The following FAM219A variants were observed in gnomAD, a reference collection of about 807,000 sequenced individuals.
FAM219A encodes family with sequence similarity 219 member A.
In FAM219A, 7 loss-of-function variants were observed where a neutral mutation model predicts 23.4. That is an observed-to-expected ratio of 0.30 (90% CI 0.17 to 0.56). The LOEUF is 0.56. Ranked by LOEUF, FAM219A falls within the 20% of genes least tolerant of loss-of-function variation. The pLI is 0.92. For missense variants in FAM219A, 166 were observed against 246.9 expected (o/e 0.67, Z 2.20); for synonymous variants, 93 against 99.0 (o/e 0.94, Z 0.36).
At chr9:34,455,188 G>C (rs992732000) in intron 1 of FAM219A, among the ~76,000 whole-genome samples, 1 of 152,172 alleles carries the variant, frequency 6.6e-6, no homozygotes, top group Non-Finnish European at 1.5e-5. Flanking sequence ...ACCAATTGCT[G>C]AATCAATGAT....
At chr9:34,416,010 C>A (rs1332870798) in intron 1 of FAM219A, among the ~76,000 whole-genome samples, 1 of 151,728 alleles carries the variant, frequency 6.6e-6, no homozygotes, top group Non-Finnish European at 1.5e-5. Flanking sequence ...GAAGGTGACT[C>A]TCCAAAAAGA....
chr9:34,411,152 T>C (rs1443377799), intron 1 of FAM219A, among the ~76,000 whole-genome samples: 1 of 152,124 alleles, frequency 6.6e-6, no homozygotes, highest in Non-Finnish European at 1.5e-5. Flanking sequence ...CTTAGGGTGA[T>C]GAAAGACCTG....
rs1353421334 is a variant in FAM219A at position 34,399,625 on chromosome 9, G to GA, written c.*1338dup. On this transcript the variant is annotated 3_prime_UTR_variant, in exon 6 of 6. Transcript: ENST00000651358. ...CTTTAGGTATACTGAGACACACAGA[G>GA]ATTGCCCCCTCCCCACCACAGAAAT... The GA allele has an allele frequency of 6.6e-6, 1 of 152,106 alleles. No homozygotes were observed. The highest frequency in any genetic ancestry group is 1.5e-5 in the Non-Finnish European group (1 of 68,020). The allele number at this position is 152,106 out of a possible 1,614,324, so 9.4% of individuals were successfully genotyped here.
chr9:34,455,776 G>A (rs960291353), intron 1 of FAM219A, among the ~76,000 whole-genome samples: 3 of 152,128 alleles, frequency 2.0e-5, no homozygotes, highest in Non-Finnish European at 4.4e-5. Flanking sequence ...GTATTTAAAG[G>A]GTTTTGAGGT....
At chr9:34,414,909 A>C (rs1275993085) in intron 1 of FAM219A, among the ~76,000 whole-genome samples, 1 of 152,170 alleles carries the variant, frequency 6.6e-6, no homozygotes, top group East Asian at 1.9e-4. Flanking sequence ...AGAAGAGGAA[A>C]GCATCTTTTC....
chr9:34,436,078 T>C (rs1440157237), intron 1 of FAM219A, among the ~76,000 whole-genome samples: 3 of 152,162 alleles, frequency 2.0e-5, no homozygotes, highest in South Asian at 2.1e-4. Context: ...GTGCTGGGAT[T>C]ACAGGCATGA....
intron 5 of FAM219A, 115 bp from the exon 6 acceptor site, chr9:34,401,237 C>T: frequency 1.6e-6 from 2 of 1,278,714 alleles, no homozygotes; most frequent in Non-Finnish European, 2.2e-6. Context: ...GGATATCAGC[C>T]CCGCCCTGTC....
intron 1 of FAM219A, among the ~76,000 whole-genome samples, chr9:34,419,591 C>T (rs1161153009): frequency 1.3e-5 from 2 of 152,086 alleles, no homozygotes; most frequent in East Asian, 3.9e-4. Flanking sequence ...CCTTGAGAGC[C>T]CCACACCTGG....
At chr9:34,439,345 A>G (rs952652636) in intron 1 of FAM219A, among the ~76,000 whole-genome samples, 10 of 152,228 alleles carry the variant, frequency 6.6e-5, no homozygotes, top group African/African-American at 2.2e-4. Context: ...AAATGAGACT[A>G]GAAGACAATT....
At chr9:34,404,579 G>A (rs376558085) in intron 2 of FAM219A, among the ~76,000 whole-genome samples, 7 of 152,180 alleles carry the variant, frequency 4.6e-5, no homozygotes, top group African/African-American at 1.2e-4. Flanking sequence ...GTGGTGATGC[G>A]CGCCTATAAT....
intron 1 of FAM219A, among the ~76,000 whole-genome samples, chr9:34,444,840 A>C (rs1031455894): frequency 1.3e-5 from 2 of 152,008 alleles, no homozygotes; most frequent in Non-Finnish European, 2.9e-5. Flanking sequence ...TTCCTACTGC[A>C]TTTCTTGCCT....
intron 1 of FAM219A, among the ~76,000 whole-genome samples, chr9:34,423,677 G>T (rs557407196): frequency 6.6e-6 from 1 of 152,306 alleles, no homozygotes; most frequent in South Asian, 2.1e-4. Flanking sequence ...CAAGGAATAG[G>T]CAGGAATGAT....
At chr9:34,443,501 G>C (rs916675258) in intron 1 of FAM219A, among the ~76,000 whole-genome samples, 27 of 152,120 alleles carry the variant, frequency 1.8e-4, no homozygotes, top group Non-Finnish European at 3.1e-4. Flanking sequence ...TCCCACAAAA[G>C]TTCCCTTGGG....
Position 34,401,271 on chromosome 9 carries a change from C to A in FAM219A, c.400-149G>T, listed in dbSNP as rs545122170. On this transcript the variant is annotated intron_variant, in intron 5 of 5. Transcript: ENST00000651358. ...TCCCGGGTCTGTCTGTACCCCCAGG[C>A]CCCGCTCCTGCCTAGGCGCCCTCCT... The A allele has an allele frequency of 1.6e-4, 161 of 991,538 alleles. 1 individual carries two copies. Among genetic ancestry groups the A allele is most frequent in the South Asian group, 1.2e-3 (77 of 62,042 alleles). 61.4% of individuals were successfully genotyped at this position (991,538 alleles called of 1,614,324 possible).
At chr9:34,449,282 G>A (rs1823481132) in intron 1 of FAM219A, among the ~76,000 whole-genome samples, 1 of 152,152 alleles carries the variant, frequency 6.6e-6, no homozygotes, top group African/African-American at 2.4e-5. Flanking sequence ...GGCTGTAGGA[G>A]ACAGAGTGAA....
chr9:34,428,018 A>G (rs986108898), intron 1 of FAM219A, among the ~76,000 whole-genome samples: 6 of 152,258 alleles, frequency 3.9e-5, no homozygotes, highest in Non-Finnish European at 8.8e-5. Context: ...AAGATCAGCC[A>G]TTAGCTTGCA....
At chr9:34,404,743 C>T (rs951410289) in intron 2 of FAM219A, among the ~76,000 whole-genome samples, 3 of 152,038 alleles carry the variant, frequency 2.0e-5, no homozygotes, top group Non-Finnish European at 4.4e-5. Flanking sequence ...CAACAACCAA[C>T]ACCCCTGATA....
At chr9:34,409,012 C>T (rs1326093222) in intron 1 of FAM219A, among the ~76,000 whole-genome samples, 1 of 152,228 alleles carries the variant, frequency 6.6e-6, no homozygotes, top group Admixed American at 6.5e-5. Flanking sequence ...CAACTCTGGT[C>T]ACAGGGACTC....
At chr9:34,446,691 G>A (rs1485692044) in intron 1 of FAM219A, among the ~76,000 whole-genome samples, 6 of 152,180 alleles carry the variant, frequency 3.9e-5, no homozygotes, top group Non-Finnish European at 8.8e-5. Context: ...CCTAATCCCA[G>A]TCCTTTAGGT....
Sources: gnomAD v4.1 joint callset for allele counts (sites outside exome capture counted in the v4.1 genomes callset) on GRCh38, gnomAD v4.1.1 for gene constraint, MANE v1.5 for transcripts, NCBI Gene and HGNC (gene_info 2026-07-23, HGNC 2026-07-21) for gene names.